The following RASA1 variants were observed in gnomAD, a reference collection of about 807,000 sequenced individuals.
The protein encoded by RASA1 is RAS p21 protein activator 1.
Under a neutral mutation model 132.2 loss-of-function variants are expected in RASA1, and 25 were observed. The observed-to-expected ratio is 0.19, with a 90% confidence interval of 0.14 to 0.26. The LOEUF is 0.26. Among genes scored for constraint, RASA1 ranks in the 10% least tolerant of loss-of-function variants. The pLI is 1.00. For missense variants in RASA1, 964 were observed against 1,299.2 expected (o/e 0.74, Z 3.97); for synonymous variants, 477 against 449.9 (o/e 1.06, Z -0.76).
intron 6 of RASA1, among the ~76,000 whole-genome samples, chr5:87,342,516 G>GA (rs1758546223): frequency 6.6e-6 from 1 of 152,158 alleles, no homozygotes; most frequent in South Asian, 2.1e-4. Flanking sequence ...GTAAGCAAGT[G>GA]AAGCGGGTCA....
At chr5:87,370,415 T>G (rs1391587941) in intron 12 of RASA1, among the ~76,000 whole-genome samples, 3 of 152,202 alleles carry the variant, frequency 2.0e-5, no homozygotes, top group Non-Finnish European at 2.9e-5. Context: ...TAGCGTCTAT[T>G]AAGTAATTGT....
chr5:87,358,881 C>T (rs1027366225), intron 9 of RASA1, among the ~76,000 whole-genome samples: 1 of 152,296 alleles, frequency 6.6e-6, no homozygotes, highest in East Asian at 1.9e-4. Context: ...ATTGTTTTCT[C>T]TTGGATATCC....
At position 87,268,437 on chromosome 5, in the gene RASA1, A is replaced by T; in HGVS notation, c.-15A>T. On this transcript the variant is annotated 5_prime_UTR_variant, in exon 1 of 25. Transcript: ENST00000274376. ...CCGGGCGGGCAGGGTAGGGCAGAGTAGAGCGGGCTTCAACATGATGGCGGC... is the reference window on the plus strand; with the variant it reads ...CCGGGCGGGCAGGGTAGGGCAGAGTTGAGCGGGCTTCAACATGATGGCGGC... The T allele has an allele frequency of 6.5e-7, 1 of 1,538,434 alleles. No homozygotes were observed. Among genetic ancestry groups the T allele is most frequent in the South Asian group, 1.2e-5 (1 of 82,334 alleles).
chr5:87,273,747 G>A (rs542784187), intron 1 of RASA1, among the ~76,000 whole-genome samples: 11 of 150,504 alleles, frequency 7.3e-5, no homozygotes, highest in African/African-American at 2.7e-4. Flanking sequence ...ACCCAGGGTG[G>A]TGTGCAGTAG....
intron 9 of RASA1, among the ~76,000 whole-genome samples, chr5:87,358,658 A>G (rs541166187): frequency 3.3e-5 from 5 of 152,306 alleles, no homozygotes; most frequent in African/African-American, 7.2e-5. Context: ...ATACTTGAAA[A>G]TGTTCTCCAT....
Position 87,387,835 on chromosome 5 carries a change from C to CT in RASA1, c.2925+934dup, listed in dbSNP as rs200966316. On this transcript the variant is annotated intron_variant, in intron 23 of 24. Coordinates refer to ENST00000274376, the MANE Select transcript of RASA1 (RefSeq NM_002890.3). ...ACAAAAATGCTAAAAGTCCATCATG[C>CT]TTCTATATGTGAACTGGGATATAGT... is the stretch of plus-strand genomic sequence containing the variant. 2.9e-4 allele frequency among the ~76,000 whole-genome samples: 44 copies of CT among 152,192 alleles called. 1 individual carries two copies. In the East Asian group the frequency reaches 6.8e-3, roughly 23 times the overall value.
At chr5:87,358,032 G>A (rs1759785367) in intron 9 of RASA1, among the ~76,000 whole-genome samples, 1 of 152,172 alleles carries the variant, frequency 6.6e-6, no homozygotes, top group Non-Finnish European at 1.5e-5. Flanking sequence ...CATTCTTCAA[G>A]CAGGGTTTTA....
intron 9 of RASA1, among the ~76,000 whole-genome samples, chr5:87,354,263 A>G (rs1055591674): frequency 2.0e-5 from 3 of 152,146 alleles, no homozygotes; most frequent in South Asian, 2.1e-4. Context: ...TTATGTTTCA[A>G]AGATAGTTTT....
chr5:87,363,543 T>G (rs928906676), intron 11 of RASA1, 39 bp downstream of exon 11: 1 of 1,590,190 alleles, frequency 6.3e-7, no homozygotes, highest in Non-Finnish European at 8.6e-7. Flanking sequence ...CGGAATTGTC[T>G]TAATAATAAA....
chr5:87,339,038 C>CT (rs1375156922), intron 5 of RASA1, among the ~76,000 whole-genome samples: 1 of 152,042 alleles, frequency 6.6e-6, no homozygotes, highest in African/African-American at 2.4e-5. Context: ...TCTCCCTTTC[C>CT]TTTCGGATTT....
intron 23 of RASA1, among the ~76,000 whole-genome samples, chr5:87,387,597 A>G (rs1351906962): frequency 6.6e-6 from 1 of 152,130 alleles, no homozygotes; most frequent in Non-Finnish European, 1.5e-5. Flanking sequence ...AGCCAGGTGT[A>G]AGGCATGGCA....
chr5:87,297,132 A>G (rs1157048738), intron 1 of RASA1, among the ~76,000 whole-genome samples: 1 of 152,050 alleles, frequency 6.6e-6, no homozygotes, highest in Non-Finnish European at 1.5e-5. Context: ...CTTTCTTAGA[A>G]TTTCCGTTTC....
intron 7 of RASA1, 151 bp downstream of exon 7, chr5:87,346,875 T>C: frequency 1.9e-6 from 1 of 540,522 alleles, no homozygotes; most frequent in Admixed American, 3.5e-5. Context: ...GGTGTTTTTA[T>C]TTATATTTTA....
intron 6 of RASA1, among the ~76,000 whole-genome samples, chr5:87,344,508 T>G (rs1758702329): frequency 6.6e-6 from 1 of 151,978 alleles, no homozygotes; most frequent in African/African-American, 2.4e-5. Context: ...AAATTCATAA[T>G]ACTTTTTTCT....
At chr5:87,387,586 G>A (rs2112519420) in intron 23 of RASA1, among the ~76,000 whole-genome samples, 1 of 152,208 alleles carries the variant, frequency 6.6e-6, no homozygotes, top group East Asian at 1.9e-4. Context: ...CATGTGAATA[G>A]AGCCAGGTGT....
At chr5:87,308,461 CTTGA>C (rs1443254808) in intron 1 of RASA1, among the ~76,000 whole-genome samples, 3 of 151,538 alleles carry the variant, frequency 2.0e-5, no homozygotes, top group Admixed American at 2.0e-4. Context: ...TCTAGCAGTT[CTTGA>C]TTGGAGATTA....
chr5:87,384,832 GTCC>G (rs1761957381), intron 21 of RASA1, among the ~76,000 whole-genome samples: 1 of 151,986 alleles, frequency 6.6e-6, no homozygotes, highest in Non-Finnish European at 1.5e-5. Context: ...TAAAGCAGAG[GTCC>G]TAGACTTTAT....
intron 8 of RASA1, among the ~76,000 whole-genome samples, chr5:87,350,427 TG>T (rs1759178561): frequency 6.6e-6 from 1 of 151,890 alleles, no homozygotes; most frequent in Non-Finnish European, 1.5e-5. Context: ...AATAATGCAC[TG>T]AAAATATATC....
intron 1 of RASA1, among the ~76,000 whole-genome samples, chr5:87,277,706 G>A (rs1184148550): frequency 6.6e-6 from 1 of 152,072 alleles, no homozygotes; most frequent in Non-Finnish European, 1.5e-5. Context: ...AATGGATTTG[G>A]ATTATTTTGG....
Sources: gnomAD v4.1 joint callset for allele counts (sites outside exome capture counted in the v4.1 genomes callset) on GRCh38, gnomAD v4.1.1 for gene constraint, MANE v1.5 for transcripts, NCBI Gene and HGNC (gene_info 2026-07-23, HGNC 2026-07-21) for gene names.